NRP2: variants seen among roughly 807,000 people sequenced by gnomAD.
NRP2 encodes neuropilin-2.
NRP2 carries 52 observed loss-of-function variants against 110.4 expected under a neutral mutation model. The ratio of observed to expected loss-of-function variants is 0.47; its 90% CI spans 0.38 to 0.59. The LOEUF is 0.59. Ranked by LOEUF, NRP2 falls within the 20% of genes least tolerant of loss-of-function variation. NRP2 has a pLI of 0.00. For missense variants in NRP2, 1,049 were observed against 1,203.0 expected, an observed-to-expected ratio of 0.87 and a Z score of 1.89; for synonymous variants, 508 against 468.9, an observed-to-expected ratio of 1.08 and a Z score of -1.08.
At chr2:205,767,421 G>C in intron 15 of NRP2, 2 of 517,704 alleles carry the variant, frequency 3.9e-6, no homozygotes, top group Non-Finnish European at 7.7e-6. Flanking sequence ...TTAGGACCCG[G>C]TGTCCAGTCA....
intron 1 of NRP2, among the ~76,000 whole-genome samples, chr2:205,697,205 G>C (rs762008349): frequency 1.3e-3 from 198 of 152,256 alleles, no homozygotes; most frequent in Non-Finnish European, 2.1e-3. Context: ...CCAAGGAGGG[G>C]AGGCAGGAAA....
intron 2 of NRP2, among the ~76,000 whole-genome samples, chr2:205,705,719 G>C (rs2056661390): frequency 6.6e-6 from 1 of 152,036 alleles, no homozygotes; most frequent in South Asian, 2.1e-4. Context: ...TAGATACTGA[G>C]GCCCTGAGAG....
At chr2:205,696,077 A>G (rs1468582293) in intron 1 of NRP2, among the ~76,000 whole-genome samples, 1 of 152,208 alleles carries the variant, frequency 6.6e-6, no homozygotes, top group Non-Finnish European at 1.5e-5. Flanking sequence ...TGGGCAGTTC[A>G]ATACGGCACA....
chr2:205,684,871 GCA>G, intron 1 of NRP2, among the ~76,000 whole-genome samples: 1 of 152,218 alleles, frequency 6.6e-6, no homozygotes, highest in Non-Finnish European at 1.5e-5. Context: ...GTGTGTGTGT[GCA>G]CACGCGCGCG....
intron 2 of NRP2, among the ~76,000 whole-genome samples, chr2:205,703,776 G>A (rs146554062): frequency 5.5e-4 from 84 of 152,288 alleles, no homozygotes; most frequent in African/African-American, 1.9e-3. Flanking sequence ...GAAGGAGGGA[G>A]GGTTTGATGC....
chr2:205,791,104 ATGG>A (rs1262466116), intron 15 of NRP2, among the ~76,000 whole-genome samples: 1 of 152,242 alleles, frequency 6.6e-6, no homozygotes, highest in African/African-American at 2.4e-5. Context: ...AGTTCAGATC[ATGG>A]TCAAGTAGAT....
intron 15 of NRP2, chr2:205,776,398 C>G (rs766883221): frequency 9.3e-6 from 15 of 1,613,430 alleles, no homozygotes; most frequent in Non-Finnish European, 1.3e-5. Context: ...CCACCGGTTC[C>G]GCTATGCGGC....
At chr2:205,703,987 G>A (rs1471027258) in intron 2 of NRP2, among the ~76,000 whole-genome samples, 1 of 152,162 alleles carries the variant, frequency 6.6e-6, no homozygotes, top group African/African-American at 2.4e-5. Context: ...AGGGTGGTCA[G>A]GAAGCAGGAA....
chr2:205,745,908 C>T lies in NRP2; in HGVS notation c.1786+18C>T, dbSNP rs757155109. The T allele has an allele frequency of 1.7e-5, 27 of 1,613,780 alleles. No homozygotes were observed. The highest frequency in any genetic ancestry group is 2.7e-5 in the African/African-American group (2 of 74,926). Reference sequence around the variant, plus strand: ...CTGGACAGGTAAGATGACATTTCCTCCTCTTTGCATCTCACCCACATGGTC... The same window carrying T: ...CTGGACAGGTAAGATGACATTTCCTTCTCTTTGCATCTCACCCACATGGTC... On this transcript the variant is annotated intron_variant, in intron 10 of 16. Coordinates refer to ENST00000357785, the MANE Select transcript of NRP2 (RefSeq NM_003872.3).
At chr2:205,729,539 GA>G (rs1426809236) in intron 7 of NRP2, among the ~76,000 whole-genome samples, 1 of 152,316 alleles carries the variant, frequency 6.6e-6, no homozygotes, top group African/African-American at 2.4e-5. Flanking sequence ...ACGAGGGCCA[GA>G]AGCCAGGCAG....
rs569096435 is a variant in NRP2, at chr2:205,763,386, A to G, written c.2045-288A>G. 6.6e-6 allele frequency among the ~76,000 whole-genome samples: 1 copy of G among 152,274 alleles called. No homozygotes were observed. The highest frequency in any genetic ancestry group is 1.5e-5 in the Non-Finnish European group (1 of 68,028). On this transcript the variant is annotated intron_variant, in intron 12 of 16. Coordinates refer to ENST00000357785, the MANE Select transcript of NRP2 (RefSeq NM_003872.3). This position sits in a 1 kb window ranked among gnomAD's most constrained non-coding sequence, Gnocchi z 4.0. The stretch of plus-strand genomic sequence containing the variant: ...GCACGCACACAACCAGCCAAGACAT[A>G]AGGCAGCTGTGCCGGGTGCTCCATG...
intron 7 of NRP2, 31 bp downstream of exon 7, chr2:205,728,077 T>C (rs780677046): frequency 5.0e-6 from 8 of 1,613,562 alleles, no homozygotes; most frequent in African/African-American, 2.7e-5. Context: ...TAAAGGCACA[T>C]TGGACCAGGG....
At chr2:205,693,790 G>A (rs950213190) in intron 1 of NRP2, among the ~76,000 whole-genome samples, 5 of 152,120 alleles carry the variant, frequency 3.3e-5, no homozygotes, top group African/African-American at 7.2e-5. Flanking sequence ...CCCTGGTTTC[G>A]CCAAGGACTT....
chr2:205,704,173 C>G (rs2056622292), intron 2 of NRP2, among the ~76,000 whole-genome samples: 1 of 152,186 alleles, frequency 6.6e-6, no homozygotes. Flanking sequence ...CTCCTCTTGT[C>G]AATTTCCTGC....
rs2057927568 is a variant in NRP2, at chr2:205,766,819, G to GT, written c.2425+17dup. The GT allele has an allele frequency of 1.1e-5, 17 of 1,610,270 alleles. No homozygotes were observed. Among genetic ancestry groups the GT allele is most frequent in the Non-Finnish European group, 1.4e-5 (16 of 1,179,412 alleles). The stretch of plus-strand genomic sequence containing the variant: ...GCTTTTGCAGGTGAGAATTTTAAAG[G>GT]TAAAAAAAAATTTTTTTTTTGCATG... On this transcript the variant is annotated intron_variant, in intron 15 of 16. Coordinates refer to ENST00000357785, the MANE Select transcript of NRP2 (RefSeq NM_003872.3).
At position 205,794,975 on chromosome 2, in the gene NRP2, C is replaced by G. The variant is rs2058339420; in HGVS notation, c.2698C>G (p.Leu900Val). The G allele has an allele frequency of 6.2e-7, 1 of 1,614,194 alleles. No homozygotes were observed. Among genetic ancestry groups the G allele is most frequent in the Non-Finnish European group, 8.5e-7 (1 of 1,180,032 alleles). The change falls in exon 17 of 17, where the codon CTG (leucine) becomes GTG (valine). Residue 900 changes from leucine to valine, a missense_variant. Leu to Val is a conservative substitution (Grantham distance 32, BLOSUM62 1). Transcript: ENST00000357785. The part of the protein sequence containing the change: ...SGLSSRSCTT[L>V]ENYNFELYDG... ...CCTGAGCTCCCGAAGCTGCACCACA[C>G]TGGAGAACTACAACTTCGAGCTCTA...
At chr2:205,716,524 GAGA>G (rs2056899647) in intron 3 of NRP2, 150 bp downstream of exon 3, 26 of 450,114 alleles carry the variant, frequency 5.8e-5, no homozygotes, top group South Asian at 4.6e-4. Flanking sequence ...CAAACATCAT[GAGA>G]AGAAGAGCCA....
chr2:205,787,713 A>AAGT (rs397703338), intron 15 of NRP2, among the ~76,000 whole-genome samples: 1 of 103,996 alleles, frequency 9.6e-6, no homozygotes, highest in African/African-American at 3.7e-5. Flanking sequence ...GATAAAAAAA[A>AAGT]GTGTCTGTGT....
In NRP2 at chr2:205,745,743, C is replaced by A. The variant is rs2057526128; in HGVS notation, c.1642-3C>A. On this transcript the variant is annotated splice_region_variant and splice_polypyrimidine_tract_variant and intron_variant, in intron 9 of 16. Transcript: ENST00000357785. ...AAGGGCTGAGTGGCCTCTCTCCCTG[C>A]AGCTGTTCGAAGGGAACATGCACTA... 1 of 1,614,006 alleles carries A rather than the reference C, an allele frequency of 6.2e-7. No homozygotes were observed.
Sources: allele counts gnomAD v4.1 joint callset (sites outside exome capture counted in the v4.1 genomes callset), GRCh38; gene constraint gnomAD v4.1.1; non-coding constraint Gnocchi (gnomAD v3.1); transcripts MANE v1.5; gene names NCBI Gene and HGNC (gene_info 2026-07-23, HGNC 2026-07-21).